The following MAMDC2 variants were observed in gnomAD, a reference collection of about 807,000 sequenced individuals.
MAMDC2 encodes the protein MAM domain containing 2.
Under a neutral mutation model 89.8 loss-of-function variants are expected in MAMDC2, and 57 were observed. The ratio of observed to expected loss-of-function variants is 0.63; its 90% confidence interval spans 0.51 to 0.79. The LOEUF is 0.79. MAMDC2 is among the 30% of genes least tolerant of loss of function. MAMDC2 has a pLI of 0.00. For missense variants in MAMDC2, 800 were observed against 820.6 expected (o/e 0.97, Z 0.31); for synonymous variants, 313 against 293.4 (o/e 1.07, Z -0.68).
intron 8 of MAMDC2, among the ~76,000 whole-genome samples, chr9:70,142,809 A>C (rs578139688): frequency 2.4e-4 from 36 of 152,338 alleles, no homozygotes; most frequent in African/African-American, 8.4e-4. Flanking sequence ...AACTGACAGG[A>C]GGAGGAGCAG....
At chr9:70,182,424 G>A (rs138315988) in intron 11 of MAMDC2, among the ~76,000 whole-genome samples, 2,769 of 152,250 alleles carry the variant, frequency 0.018, 53 homozygotes, top group Non-Finnish European at 0.029. Flanking sequence ...AATTTCAGAA[G>A]GAATGGTACC....
chr9:70,070,799 C>A (rs564257210), intron 2 of MAMDC2, among the ~76,000 whole-genome samples: 1 of 152,176 alleles, frequency 6.6e-6, no homozygotes, highest in African/African-American at 2.4e-5. Context: ...GCCTATTTTC[C>A]TACATATATT....
rs774198339 is a variant in MAMDC2 at position 70,169,032 on chromosome 9, T to C, written c.1498+237T>C. Among the ~76,000 whole-genome samples the C allele has an allele frequency of 5.3e-5, 8 of 152,338 alleles. No homozygotes were observed. The East Asian group carries it at 5.8e-4, about 11-fold the overall frequency. On this transcript the variant is annotated intron_variant, in intron 10 of 13. Transcript: ENST00000377182. Reference sequence around the variant, plus strand: ...TCCTCATTTGGAAGGCAACTAGTGGTATCTACCTGAATATTGGGGATAATA... The same window carrying C: ...TCCTCATTTGGAAGGCAACTAGTGGCATCTACCTGAATATTGGGGATAATA...
chr9:70,145,005 G>C (rs1480948550), intron 9 of MAMDC2, among the ~76,000 whole-genome samples: 2 of 152,142 alleles, frequency 1.3e-5, no homozygotes, highest in African/African-American at 4.8e-5. Context: ...TCCATTGCTA[G>C]GTAAGAAGAA....
chr9:70,203,103 G>A (rs1349341624), intron 11 of MAMDC2, among the ~76,000 whole-genome samples: 6 of 151,600 alleles, frequency 4.0e-5, no homozygotes, highest in South Asian at 4.2e-4. Context: ...TCATTATGAT[G>A]TTAGCTGGTG....
Position 70,044,710 on chromosome 9 carries a change from G to A in MAMDC2, c.148+13G>A, listed in dbSNP as rs780728508. On this transcript the variant is annotated intron_variant, in intron 2 of 13. Coordinates refer to ENST00000377182, the MANE Select transcript of MAMDC2 (RefSeq NM_153267.5). ...TTAAATGAGGAAGGTAAGGAGGCTC[G>A]GTGGAGAGGGGCGCGAAGTGAACTT... 3.8e-5 allele frequency: 58 copies of A among 1,529,280 alleles called. No homozygotes were observed. Among genetic ancestry groups the A allele is most frequent in the Non-Finnish European group, 4.5e-5 (51 of 1,127,064 alleles). 94.7% of individuals were successfully genotyped at this position (1,529,280 alleles called of 1,614,324 possible). A position where few individuals can be genotyped will look rare whatever the true frequency, so the allele number is the denominator to read the frequency against.
chr9:70,199,901 T>C (rs1238217071), intron 11 of MAMDC2, among the ~76,000 whole-genome samples: 1 of 151,576 alleles, frequency 6.6e-6, no homozygotes, highest in Non-Finnish European at 1.5e-5. Flanking sequence ...TGGGGTTGTT[T>C]GTTCTTTTCT....
At chr9:70,072,836 A>T (rs1827439338) in intron 2 of MAMDC2, among the ~76,000 whole-genome samples, 1 of 152,144 alleles carries the variant, frequency 6.6e-6, no homozygotes. Flanking sequence ...ACACATTTTC[A>T]TTCTATTTTT....
At chr9:70,088,360 C>T (rs1476247421) in intron 2 of MAMDC2, 1 of 152,064 alleles carries the variant, frequency 6.6e-6, no homozygotes, top group East Asian at 1.9e-4. Flanking sequence ...CTAACTTTGG[C>T]TTCAACTAGA....
chr9:70,194,005 T>C (rs2032931791), intron 11 of MAMDC2: 1 of 152,114 alleles, frequency 6.6e-6, no homozygotes, highest in Middle Eastern at 3.2e-3. Context: ...AGTCACACTA[T>C]AAATATGTCA....
At chr9:70,047,066 T>G (rs553906155) in intron 2 of MAMDC2, among the ~76,000 whole-genome samples, 2 of 152,322 alleles carry the variant, frequency 1.3e-5, no homozygotes, top group South Asian at 4.2e-4. Context: ...GTTCACAAGC[T>G]TCTCTGCAAA....
At chr9:70,076,417 C>A (rs1827534936) in intron 2 of MAMDC2, among the ~76,000 whole-genome samples, 3 of 149,028 alleles carry the variant, frequency 2.0e-5, no homozygotes, top group African/African-American at 7.4e-5. Flanking sequence ...TGAGACTCTG[C>A]CTCAAAAAAA....
At chr9:70,048,033 G>A (rs1826798675) in intron 2 of MAMDC2, among the ~76,000 whole-genome samples, 1 of 150,626 alleles carries the variant, frequency 6.6e-6, no homozygotes, top group Non-Finnish European at 1.5e-5. Flanking sequence ...CCCAATGGCA[G>A]TTTCCCCCAG....
chr9:70,092,875 C>T (rs1053451141), intron 2 of MAMDC2: 5 of 152,178 alleles, frequency 3.3e-5, no homozygotes, highest in African/African-American at 9.7e-5. Flanking sequence ...CTCCCACCAT[C>T]GTAAGTCATA....
At chr9:70,077,482 G>C (rs1287346504) in intron 2 of MAMDC2, among the ~76,000 whole-genome samples, 1 of 152,158 alleles carries the variant, frequency 6.6e-6, no homozygotes, top group Admixed American at 6.5e-5. Flanking sequence ...GATGTGGCTG[G>C]TATGACTGAG....
At chr9:70,225,560 G>T (rs1375809633) in intron 12 of MAMDC2, among the ~76,000 whole-genome samples, 190 bp from the exon 13 acceptor site, 1 of 151,986 alleles carries the variant, frequency 6.6e-6, no homozygotes, top group Non-Finnish European at 1.5e-5. Context: ...GTAATTTATT[G>T]TGTTTCTTTA....
At chr9:70,149,655 G>A (rs2031520804) in intron 9 of MAMDC2, among the ~76,000 whole-genome samples, 1 of 152,206 alleles carries the variant, frequency 6.6e-6, no homozygotes, top group African/African-American at 2.4e-5. Context: ...CTTCATTCCT[G>A]AAGGATCAGT....
intron 2 of MAMDC2, among the ~76,000 whole-genome samples, chr9:70,104,447 C>T (rs1424190437): frequency 6.6e-6 from 1 of 152,136 alleles, no homozygotes; most frequent in Non-Finnish European, 1.5e-5. Context: ...CCTAGGCATA[C>T]ACCTAGGAGA....
At chr9:70,057,871 C>T (rs1827059684) in intron 2 of MAMDC2, among the ~76,000 whole-genome samples, 1 of 152,176 alleles carries the variant, frequency 6.6e-6, no homozygotes, top group African/African-American at 2.4e-5. Context: ...GTTTCCATCA[C>T]AAACCACCAG....
Sources: allele counts gnomAD v4.1 joint callset (sites outside exome capture counted in the v4.1 genomes callset), GRCh38; gene constraint gnomAD v4.1.1; transcripts MANE v1.5; gene names NCBI Gene and HGNC (gene_info 2026-07-23, HGNC 2026-07-21).